The following TMEM207 variants were observed in gnomAD, a reference collection of about 807,000 sequenced individuals.
The protein encoded by TMEM207 is SRSR846.
In TMEM207, 15 loss-of-function variants were observed where a neutral mutation model predicts 17.4. The ratio of observed to expected loss-of-function variants is 0.86; its 90% CI spans 0.58 to 1.33. The LOEUF (loss-of-function observed/expected upper bound fraction) is 1.33, where lower values mean the gene tolerates loss of function less well. TMEM207 is among the 40% of genes most tolerant of loss of function. The probability of loss-of-function intolerance (pLI) is 0.00; values close to 1 mark genes in which losing one functional copy is unlikely to be tolerated. For missense variants in TMEM207, 205 were observed against 173.8 expected, an observed-to-expected ratio of 1.18 and a Z score of -1.01; for synonymous variants, 70 against 65.6, an observed-to-expected ratio of 1.07 and a Z score of -0.33.
chr3:190,444,412 T>G, intron 2 of TMEM207: 5 of 985,144 alleles, frequency 5.1e-6, no homozygotes, highest in Non-Finnish European at 6.0e-6. Context: ...GGGACAGTAA[T>G]AGCCAGCTCT....
At chr3:190,447,878 C>T in intron 1 of TMEM207, 51 bp from the exon 2 acceptor site, 1 of 1,548,692 alleles carries the variant, frequency 6.5e-7, no homozygotes, top group Non-Finnish European at 8.8e-7. Flanking sequence ...TCAGTCTAAT[C>T]CTTTAATACA....
At chr3:190,448,766 C>T (rs1049835231) in intron 1 of TMEM207, among the ~76,000 whole-genome samples, 2 of 152,224 alleles carry the variant, frequency 1.3e-5, no homozygotes, top group South Asian at 2.1e-4. Context: ...TCTTTTCCCC[C>T]CTTAATCCCA....
In TMEM207 at chr3:190,441,469, T is replaced by C; in HGVS notation, c.127A>G (p.Asn43Asp). ...TACCAGCCATTAGGGTGTTGGTCAT[T>C]ATAATTTACACACCTGGTGATAAAG... Reference protein sequence around the residue: ...CEEDEMCVNYNDQHPNGWYIW... With the variant: ...CEEDEMCVNYDDQHPNGWYIW... The change falls in exon 3 of 5, where the codon AAT becomes GAT. Residue 43 changes from asparagine to aspartate, a missense_variant. Asn to Asp is a conservative substitution (Grantham distance 23, BLOSUM62 1). Transcript: ENST00000354905. 6.2e-7 allele frequency: 1 copy of C among 1,611,758 alleles called. No individual in the cohort carries two copies. The highest frequency in any genetic ancestry group is 8.5e-7 in the Non-Finnish European group (1 of 1,178,786).
Position 190,449,898 on chromosome 3 carries a change from T to A in TMEM207, c.-89A>T. ...AACTTACTAGCTTCTCTATAAGTTA[T>A]GCTTCCTACCAGGACATGCATTAAT... On this transcript the variant is annotated 5_prime_UTR_variant, in exon 1 of 5. Transcript: ENST00000354905. The A allele has an allele frequency of 8.2e-7, 1 of 1,215,866 alleles. No homozygotes were observed. Among genetic ancestry groups the A allele is most frequent in the Non-Finnish European group, 1.2e-6 (1 of 827,742 alleles). The allele number at this position is 1,215,866 out of a possible 1,614,324, so 75.3% of individuals were successfully genotyped here. A position where few individuals can be genotyped will look rare whatever the true frequency, so the allele number is the denominator to read the frequency against.
Position 190,429,774 on chromosome 3 carries a change from A to G in TMEM207, c.305-43T>C. On this transcript the variant is annotated intron_variant, in intron 4 of 4. Transcript: ENST00000354905. ...AAGACTTGTAATCTTTCTAGTGAGC[A>G]TAAAACATAAGTACATGAACTGCCC... is the stretch of plus-strand genomic sequence containing the variant. The G allele has an allele frequency of 2.6e-6, 4 of 1,541,476 alleles. No homozygotes were observed. In the South Asian group the frequency reaches 3.8e-5, roughly 15 times the overall value.
chr3:190,435,067 C>G (rs17312265), intron 4 of TMEM207, among the ~76,000 whole-genome samples: 5,874 of 151,310 alleles, frequency 0.039, 292 homozygotes, highest in African/African-American at 0.11. Flanking sequence ...TTCTCCTCTT[C>G]TTCGTTCTCT....
intron 4 of TMEM207, among the ~76,000 whole-genome samples, chr3:190,440,033 G>T (rs1206509834): frequency 6.6e-6 from 1 of 152,004 alleles, no homozygotes; most frequent in Non-Finnish European, 1.5e-5. Context: ...CTTAACTGTG[G>T]GTCAGTTCCC....
At chr3:190,445,581 A>C (rs1243045426) in intron 2 of TMEM207, among the ~76,000 whole-genome samples, 1 of 152,232 alleles carries the variant, frequency 6.6e-6, no homozygotes, top group Non-Finnish European at 1.5e-5. Flanking sequence ...GCTGGAGTGC[A>C]GTGGTGCGAT....
intron 4 of TMEM207, among the ~76,000 whole-genome samples, chr3:190,436,972 C>G (rs1863232): frequency 0.84 from 127,786 of 152,164 alleles, 54,289 homozygotes; most frequent in African/African-American, 0.96. Flanking sequence ...GATGGAACAT[C>G]GGCAGTGGGT....
intron 4 of TMEM207, among the ~76,000 whole-genome samples, chr3:190,432,998 T>C (rs1719723247): frequency 6.6e-6 from 1 of 152,174 alleles, no homozygotes; most frequent in South Asian, 2.1e-4. Flanking sequence ...TTGTCAAGCC[T>C]GAGGGAACCC....
chr3:190,446,623 T>C (rs1443370915), intron 2 of TMEM207, among the ~76,000 whole-genome samples: 1 of 152,224 alleles, frequency 6.6e-6, no homozygotes, highest in Admixed American at 6.5e-5. Flanking sequence ...GTTGAAGCCC[T>C]ACTACTCATT....
intron 4 of TMEM207, among the ~76,000 whole-genome samples, chr3:190,438,990 C>CCATCCTGGCTAA (rs1229432708): frequency 3.3e-5 from 5 of 151,612 alleles, no homozygotes; most frequent in Admixed American, 2.6e-4. Flanking sequence ...GAGATCGAGA[C>CCATCCTGGCTAA]CACGGTGAAA....
At chr3:190,449,265 G>T (rs1258150434) in intron 1 of TMEM207, among the ~76,000 whole-genome samples, 1 of 152,140 alleles carries the variant, frequency 6.6e-6, no homozygotes, top group Non-Finnish European at 1.5e-5. Context: ...ATCTAGAGAT[G>T]CACGTGTTAG....
chr3:190,433,075 TTA>T (rs1232547463), intron 4 of TMEM207, among the ~76,000 whole-genome samples: 7 of 152,198 alleles, frequency 4.6e-5, no homozygotes, highest in Non-Finnish European at 1.0e-4. Flanking sequence ...ATGTAATTGA[TTA>T]TGTTTTATTA....
chr3:190,449,117 A>G (rs911669020), intron 1 of TMEM207, among the ~76,000 whole-genome samples: 1 of 152,214 alleles, frequency 6.6e-6, no homozygotes, highest in Non-Finnish European at 1.5e-5. Context: ...CCCTAGCAAT[A>G]GTACACAGTA....
chr3:190,442,899 T>C (rs1719964400), intron 2 of TMEM207, among the ~76,000 whole-genome samples: 1 of 152,204 alleles, frequency 6.6e-6, no homozygotes, highest in Non-Finnish European at 1.5e-5. Flanking sequence ...GTACAATGAT[T>C]TCGCCAAAAT....
chr3:190,448,332 A>G (rs930383697), intron 1 of TMEM207, among the ~76,000 whole-genome samples: 3 of 152,160 alleles, frequency 2.0e-5, no homozygotes, highest in Non-Finnish European at 2.9e-5. Context: ...GGTAAGGTCC[A>G]TTTAAGATCA....
chr3:190,431,115 T>TATATAA (rs1373695166), intron 4 of TMEM207, among the ~76,000 whole-genome samples: 22 of 152,314 alleles, frequency 1.4e-4, no homozygotes, highest in Non-Finnish European at 2.5e-4. Flanking sequence ...GGTGGAGCTG[T>TATATAA]GTTTAGTATA....
At chr3:190,436,109 T>C (rs917382192) in intron 4 of TMEM207, among the ~76,000 whole-genome samples, 2 of 152,204 alleles carry the variant, frequency 1.3e-5, no homozygotes, top group Admixed American at 6.5e-5. Context: ...GAGTCCAACC[T>C]TTGCCCTACA....
Sources: gnomAD v4.1 joint callset for allele counts (sites outside exome capture counted in the v4.1 genomes callset) on GRCh38, gnomAD v4.1.1 for gene constraint, MANE v1.5 for transcripts, NCBI Gene and HGNC (gene_info 2026-07-23, HGNC 2026-07-21) for gene names.